The following SLC35F2 variants were observed in gnomAD, a reference collection of about 807,000 sequenced individuals.
SLC35F2 encodes queuine/queuosine transporter SLC35F2.
In SLC35F2, 25 loss-of-function variants were observed where a neutral mutation model predicts 38.1. The ratio of observed to expected loss-of-function variants is 0.66; its 90% CI spans 0.48 to 0.92. The LOEUF is 0.92. SLC35F2 is among the 40% of genes least tolerant of loss of function. The pLI, the probability that SLC35F2 is intolerant of heterozygous loss-of-function variation, is 0.00. For missense variants in SLC35F2, 409 were observed against 452.9 expected (o/e 0.90, Z 0.88); for synonymous variants, 173 against 181.7 (o/e 0.95, Z 0.38).
chr11:107,858,583 C>T, intron 1 of SLC35F2, 75 bp downstream of exon 1: 1 of 1,214,994 alleles, frequency 8.2e-7, no homozygotes, highest in Non-Finnish European at 1.0e-6. Context: ...AGAGTGTGCT[C>T]CTTGTCCACG....
intron 2 of SLC35F2, among the ~76,000 whole-genome samples, chr11:107,813,655 C>T (rs1338974420): frequency 6.6e-6 from 1 of 151,966 alleles, no homozygotes; most frequent in Non-Finnish European, 1.5e-5. Context: ...TGTACAGTTC[C>T]ACTCCCAACT....
intron 1 of SLC35F2, among the ~76,000 whole-genome samples, chr11:107,819,246 G>A (rs957715940): frequency 2.0e-5 from 3 of 152,142 alleles, no homozygotes; most frequent in Non-Finnish European, 2.9e-5. Context: ...CTTCAGTTTC[G>A]TTTTCCTAGA....
intron 3 of SLC35F2, chr11:107,809,627 T>A (rs964983253): frequency 1.1e-5 from 10 of 952,112 alleles, no homozygotes; most frequent in Non-Finnish European, 1.3e-5. Flanking sequence ...GCAAGACTCC[T>A]TCTCAGAAAA....
chr11:107,806,777 G>A lies in SLC35F2; in HGVS notation c.514C>T (p.Leu172=). Residue 172 remains leucine, a synonymous_variant, in exon 4 of 8, where the codon CTG becomes TTG. Coordinates refer to ENST00000525815, the MANE Select transcript of SLC35F2 (RefSeq NM_017515.5). The stretch of plus-strand genomic sequence containing the variant: ...CCAACCATGGTTCCTACACCCAACA[G>A]ACAGACAGCCACGGCGATGAAGTGG... ...VIHFIAVAVC[L]LGVGTMVGAD... The A allele has an allele frequency of 6.2e-7, 1 of 1,614,024 alleles. No homozygotes were observed.
chr11:107,842,560 C>A (rs1860029161), intron 1 of SLC35F2, among the ~76,000 whole-genome samples: 1 of 151,948 alleles, frequency 6.6e-6, no homozygotes, highest in Non-Finnish European at 1.5e-5. Context: ...CACTCTGTCA[C>A]CCAGGCTGGA....
At position 107,792,161 on chromosome 11, in the gene SLC35F2, CAAA is replaced by C. The variant is rs11371777; in HGVS notation, c.*451_*453del. ...GGCCTGTGGACAATAACTGCCTCAG[CAAA>C]AAAAAAAAAAAAAAAAAACCTTGAA... On this transcript the variant is annotated 3_prime_UTR_variant, in exon 8 of 8. Coordinates refer to ENST00000525815, the MANE Select transcript of SLC35F2 (RefSeq NM_017515.5). The C allele has an allele frequency of 2.0e-4, 16 of 78,060 alleles. No individual in the cohort carries two copies. Among genetic ancestry groups the C allele is most frequent in the East Asian group, 8.1e-4 (2 of 2,456 alleles). The allele number at this position is 78,060 out of a possible 1,614,324, so 4.8% of individuals were successfully genotyped here.
In SLC35F2 at chr11:107,852,874, CAA is replaced by C. The variant is rs11385907; in HGVS notation, c.110+5782_110+5783del. On this transcript the variant is annotated intron_variant, in intron 1 of 7. Coordinates refer to ENST00000525815, the MANE Select transcript of SLC35F2 (RefSeq NM_017515.5). ...TGGGCAACAGAACAAGACTCCATCTCAAAAAAAAAAAAAAAAAAATTTAGCCA... is the reference window on the plus strand; with the variant it reads ...TGGGCAACAGAACAAGACTCCATCTCAAAAAAAAAAAAAAAAATTTAGCCA... Among the ~76,000 whole-genome samples the C allele has an allele frequency of 6.1e-3, 743 of 120,904 alleles. 5 individuals carry two copies. The highest frequency in any genetic ancestry group is 0.018 in the African/African-American group (581 of 32,560). The allele number at this position is 120,904 out of a possible 152,430, so 79.3% of individuals were successfully genotyped here.
At chr11:107,793,404 T>C (rs1007996563) in intron 7 of SLC35F2, among the ~76,000 whole-genome samples, 7 of 152,136 alleles carry the variant, frequency 4.6e-5, no homozygotes, top group Non-Finnish European at 8.8e-5. Flanking sequence ...ACTCTGCATA[T>C]AGTCCCACTT....
At chr11:107,839,906 GC>G (rs1859989484) in intron 1 of SLC35F2, among the ~76,000 whole-genome samples, 1 of 152,164 alleles carries the variant, frequency 6.6e-6, no homozygotes, top group Non-Finnish European at 1.5e-5. Context: ...CCCTGCCTTG[GC>G]CTCCTAAAGT....
Position 107,846,095 on chromosome 11 carries a change from A to C in SLC35F2, c.110+12563T>G, listed in dbSNP as rs75750652. On this transcript the variant is annotated intron_variant, in intron 1 of 7. Transcript: ENST00000525815. ...CCATTCAAATCTTTATTTGGGGTCT[A>C]TTTATACTTTGACTACAAGCAATTC... Among the ~76,000 whole-genome samples, 342 of 152,218 alleles carry C rather than the reference A, an allele frequency of 2.2e-3. 3 individuals are homozygous for C. Among genetic ancestry groups the C allele is most frequent in the African/African-American group, 7.6e-3 (317 of 41,568 alleles).
At position 107,858,699 on chromosome 11, in the gene SLC35F2, G is replaced by A. The variant is rs547882615; in HGVS notation, c.69C>T (p.Phe23=). Reference sequence around the variant, plus strand: ...CTTTTATCCTGCGCAGCAGGCTGGAGAACTCGGCCGCCGCTCCCTCCGCGA... The same window carrying A: ...CTTTTATCCTGCGCAGCAGGCTGGAAAACTCGGCCGCCGCTCCCTCCGCGA... ...EPLAEGAAAE[F]SSLLRRIKGK... is the part of the protein sequence containing the mutation. Residue 23 remains phenylalanine (F), a synonymous_variant, in exon 1 of 8, where the codon TTC becomes TTT. Coordinates refer to ENST00000525815, the MANE Select transcript of SLC35F2 (RefSeq NM_017515.5). 1.4e-5 allele frequency: 18 copies of A among 1,301,078 alleles called. No homozygotes were observed. The East Asian group carries it at 4.3e-4, about 31-fold the overall frequency. 80.6% of individuals were successfully genotyped at this position (1,301,078 alleles called of 1,614,324 possible).
intron 1 of SLC35F2, among the ~76,000 whole-genome samples, chr11:107,840,316 C>T (rs1301372162): frequency 6.6e-6 from 1 of 152,180 alleles, no homozygotes; most frequent in African/African-American, 2.4e-5. Flanking sequence ...CTGAGACAGG[C>T]ATACAACCCT....
chr11:107,805,540 G>C, intron 4 of SLC35F2, 25 bp from the exon 5 acceptor site: 1 of 1,606,062 alleles, frequency 6.2e-7, no homozygotes, highest in Non-Finnish European at 8.5e-7. Context: ...GCCACAGAAA[G>C]CAAAACACTG....
chr11:107,829,788 C>T (rs1331324555), intron 1 of SLC35F2, among the ~76,000 whole-genome samples: 4 of 151,934 alleles, frequency 2.6e-5, no homozygotes, highest in Admixed American at 2.6e-4. Flanking sequence ...TATATATCCT[C>T]ATTTTCAGTA....
chr11:107,814,608 A>G (rs1330391990), intron 2 of SLC35F2, among the ~76,000 whole-genome samples: 1 of 152,196 alleles, frequency 6.6e-6, no homozygotes, highest in African/African-American at 2.4e-5. Context: ...CATTTGTCAA[A>G]ACCCATAGAA....
chr11:107,792,777 G>A lies in SLC35F2; in HGVS notation c.963C>T (p.Ser321=). The A allele has an allele frequency of 1.3e-6, 2 of 1,595,618 alleles. No homozygotes were observed. The highest frequency in any genetic ancestry group is 2.3e-5 in the East Asian group (1 of 43,660). ...TAAACCCCACCATGATGACAGTGAAGGACAGGATGTAGAGTCCTGAAAACT... is the reference window on the plus strand; with the variant it reads ...TAAACCCCACCATGATGACAGTGAAAGACAGGATGTAGAGTCCTGAAAACT... The part of the protein sequence containing the change: ...GYKFSGLYIL[S]FTVIMVGFIL... Residue 321 remains serine (S), a synonymous_variant, in exon 8 of 8, where the codon TCC becomes TCT. Coordinates refer to ENST00000525815, the MANE Select transcript of SLC35F2 (RefSeq NM_017515.5).
intron 1 of SLC35F2, among the ~76,000 whole-genome samples, chr11:107,841,269 T>C (rs1433640947): frequency 6.6e-6 from 1 of 152,138 alleles, no homozygotes; most frequent in Non-Finnish European, 1.5e-5. Flanking sequence ...TTCACAGAAG[T>C]ACACTAAGGC....
intron 1 of SLC35F2, among the ~76,000 whole-genome samples, chr11:107,842,257 CA>C (rs541185009): frequency 2.0e-3 from 76 of 37,854 alleles, no homozygotes; most frequent in African/African-American, 4.5e-3. Context: ...CTCCGTCTCA[CA>C]AAAAAAAAAA....
intron 3 of SLC35F2, chr11:107,810,591 A>G (rs2134784106): frequency 1.0e-6 from 1 of 985,368 alleles, no homozygotes; most frequent in Non-Finnish European, 1.2e-6. Context: ...AATTTTTACG[A>G]AACTTTAGGT....
Sources: gnomAD v4.1 joint callset for allele counts (sites outside exome capture counted in the v4.1 genomes callset) on GRCh38, gnomAD v4.1.1 for gene constraint, MANE v1.5 for transcripts, NCBI Gene and HGNC (gene_info 2026-07-23, HGNC 2026-07-21) for gene names.